The following CSMD1 variants were observed in gnomAD, a reference collection of about 807,000 sequenced individuals.
CSMD1 encodes the protein CUB and Sushi multiple domains 1.
A neutral mutation model predicts 417.5 loss-of-function variants in CSMD1; 213 were observed. That is an observed-to-expected ratio of 0.51 (90% confidence interval 0.46 to 0.57). CSMD1 has a LOEUF of 0.57. CSMD1 is among the 20% of genes least tolerant of loss of function. CSMD1 has a pLI of 0.00. For missense variants in CSMD1, 6,923 were observed against 4,529.7 expected (o/e 1.53, Z -15.17); for synonymous variants, 2,862 against 1,736.8 (o/e 1.65, Z -16.11).
intron 6 of CSMD1, among the ~76,000 whole-genome samples, chr8:3,731,215 T>C (rs1796231027): frequency 6.6e-6 from 1 of 152,178 alleles, no homozygotes; most frequent in Non-Finnish European, 1.5e-5. Context: ...TTCTCCACCT[T>C]CCCACTGTCC....
At chr8:3,331,472 T>C (rs1200130658) in intron 23 of CSMD1, among the ~76,000 whole-genome samples, 1 of 152,166 alleles carries the variant, frequency 6.6e-6, no homozygotes, top group Non-Finnish European at 1.5e-5. Context: ...GAGCTTTGGA[T>C]TATACTAACA....
intron 32 of CSMD1, among the ~76,000 whole-genome samples, chr8:3,201,376 T>C (rs1411387222): frequency 1.3e-5 from 2 of 152,176 alleles, no homozygotes; most frequent in Non-Finnish European, 2.9e-5. Flanking sequence ...TTTACTGAGA[T>C]AAATATTATA....
At chr8:4,828,207 T>C (rs565796306) in intron 1 of CSMD1, among the ~76,000 whole-genome samples, 1 of 152,322 alleles carries the variant, frequency 6.6e-6, no homozygotes, top group East Asian at 1.9e-4. Context: ...AGCACTATTG[T>C]CACTTAATAT....
At chr8:4,148,283 C>A (rs1284974185) in intron 3 of CSMD1, among the ~76,000 whole-genome samples, 2 of 147,470 alleles carry the variant, frequency 1.4e-5, no homozygotes, top group Non-Finnish European at 3.0e-5. Context: ...AAACCAAACA[C>A]CACATGTTCT....
intron 9 of CSMD1, among the ~76,000 whole-genome samples, chr8:3,575,935 A>C (rs1043065843): frequency 6.6e-6 from 1 of 152,142 alleles, no homozygotes; most frequent in African/African-American, 2.4e-5. Context: ...ACTGGGTTTC[A>C]GAAAGGAGCA....
intron 26 of CSMD1, among the ~76,000 whole-genome samples, chr8:3,270,883 T>A (rs893614004): frequency 1.3e-5 from 2 of 151,538 alleles, no homozygotes; most frequent in Admixed American, 6.6e-5. Flanking sequence ...TGGCAGAAGG[T>A]AAGCAGGAGC....
chr8:3,226,236 A>T (rs1199306904), intron 27 of CSMD1, among the ~76,000 whole-genome samples: 2 of 152,152 alleles, frequency 1.3e-5, no homozygotes, highest in South Asian at 2.1e-4. Flanking sequence ...GGGGAAAAGC[A>T]ATTGCAGGCT....
At chr8:3,800,808 C>G (rs1275421114) in intron 5 of CSMD1, among the ~76,000 whole-genome samples, 1 of 152,144 alleles carries the variant, frequency 6.6e-6, no homozygotes, top group Admixed American at 6.6e-5. Context: ...TACGTGCCCA[C>G]TTCCCCTTTG....
At chr8:3,953,928 G>C (rs1811750215) in intron 5 of CSMD1, among the ~76,000 whole-genome samples, 1 of 152,226 alleles carries the variant, frequency 6.6e-6, no homozygotes, top group South Asian at 2.1e-4. Context: ...AACGGCCCTG[G>C]CAAGGGTGGC....
intron 5 of CSMD1, among the ~76,000 whole-genome samples, chr8:3,906,045 C>T (rs926299959): frequency 5.9e-5 from 9 of 152,060 alleles, no homozygotes; most frequent in East Asian, 3.9e-4. Context: ...CCCTAAATAG[C>T]GAGAGGAGGT....
intron 10 of CSMD1, among the ~76,000 whole-genome samples, chr8:3,563,415 G>C (rs1477078018): frequency 4.2e-5 from 2 of 47,180 alleles, no homozygotes; most frequent in Non-Finnish European, 8.4e-5. Flanking sequence ...AAGTTCAAAT[G>C]CATAAAATAG....
chr8:3,981,380 A>C (rs573302277), intron 5 of CSMD1, among the ~76,000 whole-genome samples: 9 of 152,010 alleles, frequency 5.9e-5, no homozygotes, highest in African/African-American at 2.2e-4. Flanking sequence ...AAAAGACAAC[A>C]AATATGGTGC....
chr8:4,901,877 C>G (rs1346348870), intron 1 of CSMD1, among the ~76,000 whole-genome samples: 2 of 152,068 alleles, frequency 1.3e-5, no homozygotes, highest in African/African-American at 2.4e-5. Context: ...ACACTTCCCA[C>G]CAGCCAAAAG....
chr8:4,828,253 G>C (rs1044192049), intron 1 of CSMD1, among the ~76,000 whole-genome samples: 2 of 152,154 alleles, frequency 1.3e-5, no homozygotes, highest in African/African-American at 4.8e-5. Context: ...GAAAAGATAT[G>C]TTCCATGCAC....
chr8:4,443,516 G>C (rs1798604891), intron 2 of CSMD1, among the ~76,000 whole-genome samples: 2 of 152,126 alleles, frequency 1.3e-5, no homozygotes, highest in Admixed American at 6.5e-5. Flanking sequence ...ATTAACACCA[G>C]AATACAGTAT....
rs56848640 is a variant in CSMD1, at chr8:3,893,339, T to TTATATATATATATA, written c.818+104550_818+104563dup. Among the ~76,000 whole-genome samples the TTATATATATATATA allele has an allele frequency of 1.8e-3, 147 of 80,448 alleles. 5 individuals are homozygous for TTATATATATATATA. Among genetic ancestry groups the TTATATATATATATA allele is most frequent in the South Asian group, 3.8e-3 (7 of 1,836 alleles). The allele number at this position is 80,448 out of a possible 152,430, so 52.8% of individuals were successfully genotyped here. A position where few individuals can be genotyped will look rare whatever the true frequency, so the allele number is the denominator to read the frequency against. On this transcript the variant is annotated intron_variant, in intron 5 of 69. Coordinates refer to ENST00000635120, the MANE Select transcript of CSMD1 (RefSeq NM_033225.6). Reference sequence around the variant, plus strand: ...TCCCAAACTAATAATATTCACAATTTTATATATATATATATATATATATTA... The same window carrying TTATATATATATATA: ...TCCCAAACTAATAATATTCACAATTTTATATATATATATATATATATATATATATATATATATTA...
intron 26 of CSMD1, among the ~76,000 whole-genome samples, chr8:3,256,109 C>G (rs1036955858): frequency 1.6e-4 from 24 of 152,024 alleles, no homozygotes; most frequent in African/African-American, 5.8e-4. Context: ...AGACCAATCA[C>G]CTGAGGTCAG....
At chr8:4,135,079 G>C (rs531384274) in intron 3 of CSMD1, among the ~76,000 whole-genome samples, 1 of 151,818 alleles carries the variant, frequency 6.6e-6, no homozygotes, top group East Asian at 1.9e-4. Context: ...CACATAGAAT[G>C]AAAAAAAATT....
At chr8:3,201,801 ATC>A in intron 31 of CSMD1, 76 bp from the exon 32 acceptor site, 1 of 751,508 alleles carries the variant, frequency 1.3e-6, no homozygotes, top group Non-Finnish European at 2.2e-6. Context: ...TTCACTGAAT[ATC>A]TATTAATTGC....
Sources: gnomAD v4.1 joint callset for allele counts (sites outside exome capture counted in the v4.1 genomes callset) on GRCh38, gnomAD v4.1.1 for gene constraint, MANE v1.5 for transcripts, NCBI Gene and HGNC (gene_info 2026-07-23, HGNC 2026-07-21) for gene names.